Variants in NPAS3 observed in about 807,000 individuals in gnomAD.
NPAS3 encodes neuronal PAS domain protein 3, also known as neuronal PAS domain-containing protein 3.
In NPAS3, 14 loss-of-function variants were observed where a neutral mutation model predicts 73.1. The observed-to-expected ratio is 0.19, with a 90% CI of 0.13 to 0.30. The LOEUF is 0.30. NPAS3 is among the 10% of genes least tolerant of loss of function. NPAS3 has a pLI of 1.00. For missense variants in NPAS3, 1,096 were observed against 1,250.0 expected, an observed-to-expected ratio of 0.88 and a Z score of 1.86; for synonymous variants, 620 against 541.5, an observed-to-expected ratio of 1.14 and a Z score of -2.01.
chr14:33,664,758 AG>A (rs1178815048), intron 5 of NPAS3, among the ~76,000 whole-genome samples: 1 of 152,250 alleles, frequency 6.6e-6, no homozygotes, highest in East Asian at 1.9e-4. Flanking sequence ...ATATGAAAAA[AG>A]GCTCAACATC....
chr14:33,256,843 G>A (rs182160134), intron 3 of NPAS3, among the ~76,000 whole-genome samples: 21 of 152,238 alleles, frequency 1.4e-4, no homozygotes, highest in Admixed American at 4.6e-4. Flanking sequence ...TAAATGAAAT[G>A]TGAAGCAAAA....
At chr14:33,436,071 T>C (rs1419897089) in intron 4 of NPAS3, among the ~76,000 whole-genome samples, 3 of 152,210 alleles carry the variant, frequency 2.0e-5, no homozygotes, top group Non-Finnish European at 2.9e-5. Context: ...AAATATCCTT[T>C]GACTCATTTC....
chr14:33,582,056 A>G (rs1255951172), intron 5 of NPAS3: 2 of 152,208 alleles, frequency 1.3e-5, no homozygotes, highest in Non-Finnish European at 2.9e-5. Flanking sequence ...AAATTTTTAT[A>G]TATGTACCCA....
intron 2 of NPAS3, among the ~76,000 whole-genome samples, chr14:33,166,815 T>A (rs564881415): frequency 9.9e-5 from 15 of 152,284 alleles, no homozygotes; most frequent in Non-Finnish European, 2.1e-4. Context: ...TTTCACTAAT[T>A]TTAAGACATT....
chr14:33,090,665 A>T (rs978675524), intron 2 of NPAS3, among the ~76,000 whole-genome samples: 52 of 152,186 alleles, frequency 3.4e-4, no homozygotes, highest in Non-Finnish European at 6.8e-4. Flanking sequence ...ACATCTACAG[A>T]ACTCTCCACT....
intron 7 of NPAS3, among the ~76,000 whole-genome samples, chr14:33,743,061 G>T (rs2061694275): frequency 6.6e-6 from 1 of 152,040 alleles, no homozygotes; most frequent in Admixed American, 6.6e-5. Flanking sequence ...CATCCATAAG[G>T]GTTAGAATAC....
intron 3 of NPAS3, among the ~76,000 whole-genome samples, chr14:33,290,365 G>A (rs769986718): frequency 1.4e-4 from 21 of 152,154 alleles, no homozygotes; most frequent in Non-Finnish European, 2.5e-4. Flanking sequence ...TAGGAAATAC[G>A]GCAAAACTAG....
chr14:33,084,317 G>A (rs2041953180), intron 2 of NPAS3, among the ~76,000 whole-genome samples: 1 of 152,134 alleles, frequency 6.6e-6, no homozygotes, highest in African/African-American at 2.4e-5. Context: ...GCTTGGGTCT[G>A]CATTAAATAC....
intron 2 of NPAS3, among the ~76,000 whole-genome samples, chr14:33,100,267 A>C (rs1414561057): frequency 1.3e-5 from 2 of 152,200 alleles, no homozygotes; most frequent in African/African-American, 2.4e-5. Context: ...GCTGAATATT[A>C]AGATACAAAG....
intron 3 of NPAS3, among the ~76,000 whole-genome samples, chr14:33,317,609 C>T (rs955121924): frequency 6.6e-6 from 1 of 151,980 alleles, no homozygotes; most frequent in Non-Finnish European, 1.5e-5. Context: ...CTCATGAGAT[C>T]TGATGGTTTC....
At chr14:33,040,270 A>G (rs56249730) in intron 1 of NPAS3, among the ~76,000 whole-genome samples, 222 of 152,300 alleles carry the variant, frequency 1.5e-3, no homozygotes, top group African/African-American at 5.2e-3. Context: ...TCAAGGAAAT[A>G]ATAGGCATTT....
At chr14:33,471,413 T>A (rs909770123) in intron 4 of NPAS3, among the ~76,000 whole-genome samples, 1 of 152,200 alleles carries the variant, frequency 6.6e-6, no homozygotes, top group Non-Finnish European at 1.5e-5. Context: ...AGAAAGCACA[T>A]GACTGTGCTT....
chr14:33,745,913 GA>G (rs1358558905), intron 7 of NPAS3, among the ~76,000 whole-genome samples: 5 of 152,146 alleles, frequency 3.3e-5, no homozygotes, highest in African/African-American at 9.7e-5. Flanking sequence ...AGCATCATGG[GA>G]AGACTAATAT....
chr14:33,505,945 G>A lies in NPAS3; in HGVS notation c.469-54176G>A, dbSNP rs190689255. Among the ~76,000 whole-genome samples the A allele has an allele frequency of 4.0e-4, 60 of 151,822 alleles. 1 individual carries two copies. Among genetic ancestry groups the A allele is most frequent in the Admixed American group, 2.7e-3 (41 of 15,222 alleles). ...CACTCTTCTTCAGGACTTTTACATC[G>A]CCTTTCTTTCTGTCAGAAGTACTTC... On this transcript the variant is annotated intron_variant, in intron 4 of 11. Coordinates refer to ENST00000356141, the Ensembl canonical transcript of NPAS3.
chr14:33,375,656 A>C (rs2046282612), intron 4 of NPAS3, among the ~76,000 whole-genome samples: 1 of 152,190 alleles, frequency 6.6e-6, no homozygotes, highest in Non-Finnish European at 1.5e-5. Context: ...AAAAGTAGAA[A>C]TTTTAAGTCT....
intron 5 of NPAS3, among the ~76,000 whole-genome samples, chr14:33,661,443 A>G (rs568280104): frequency 6.6e-6 from 1 of 152,336 alleles, no homozygotes. Context: ...AAAGCTTCAC[A>G]AGAAATCCAA....
At chr14:33,755,042 C>T (rs745559326) in intron 7 of NPAS3, among the ~76,000 whole-genome samples, 6 of 152,176 alleles carry the variant, frequency 3.9e-5, no homozygotes, top group Non-Finnish European at 7.3e-5. Flanking sequence ...TTAGGATCAA[C>T]AGATGTAGGT....
At chr14:33,615,273 G>A (rs2057878079) in intron 5 of NPAS3, among the ~76,000 whole-genome samples, 3 of 152,156 alleles carry the variant, frequency 2.0e-5, no homozygotes, top group African/African-American at 7.2e-5. Context: ...ATGTTTTTAA[G>A]GCAGGGAAAG....
intron 3 of NPAS3, among the ~76,000 whole-genome samples, chr14:33,332,073 T>C (rs931533549): frequency 6.6e-6 from 1 of 152,242 alleles, no homozygotes; most frequent in African/African-American, 2.4e-5. Flanking sequence ...ATAAAATCTT[T>C]GATGGTTCTA....
Sources: allele counts gnomAD v4.1 joint callset (sites outside exome capture counted in the v4.1 genomes callset), GRCh38; gene constraint gnomAD v4.1.1; transcripts MANE v1.5; gene names NCBI Gene and HGNC (gene_info 2026-07-23, HGNC 2026-07-21).